DAB1: variants seen among roughly 807,000 people sequenced by gnomAD.
The protein encoded by DAB1 is DAB adaptor protein 1.
Under a neutral mutation model 64.6 loss-of-function variants are expected in DAB1, and 15 were observed. The observed-to-expected ratio is 0.23, with a 90% confidence interval of 0.16 to 0.36. The LOEUF (loss-of-function observed/expected upper bound fraction) is 0.36, where lower values mean the gene tolerates loss of function less well. Ranked by LOEUF, DAB1 falls within the 10% of genes least tolerant of loss-of-function variation. The pLI, the probability that DAB1 is intolerant of heterozygous loss-of-function variation, is 1.00. For missense variants in DAB1, 596 were observed against 706.7 expected (o/e 0.84, Z 1.78); for synonymous variants, 235 against 251.9 (o/e 0.93, Z 0.64).
intron 7 of DAB1, among the ~76,000 whole-genome samples, chr1:57,445,386 G>A (rs917539670): frequency 6.6e-6 from 1 of 152,094 alleles, no homozygotes; most frequent in Non-Finnish European, 1.5e-5. Context: ...GCAAGCTCAG[G>A]CTGAGGAAAT....
intron 4 of DAB1, among the ~76,000 whole-genome samples, chr1:58,289,396 A>G (rs1661763506): frequency 6.6e-6 from 1 of 152,194 alleles, no homozygotes; most frequent in African/African-American, 2.4e-5. Flanking sequence ...CAGACCAGGA[A>G]TGGAACCTCA....
At chr1:58,350,351 T>C (rs1459985236) in intron 3 of DAB1, among the ~76,000 whole-genome samples, 2 of 152,214 alleles carry the variant, frequency 1.3e-5, no homozygotes, top group Non-Finnish European at 2.9e-5. Context: ...AGATTCTGGA[T>C]ATTAGCCCTT....
At chr1:57,283,849 C>A (rs1672105345) in intron 2 of DAB1, among the ~76,000 whole-genome samples, 1 of 152,196 alleles carries the variant, frequency 6.6e-6, no homozygotes, top group African/African-American at 2.4e-5. Context: ...AGGGGAGTGA[C>A]CACTGACAAA....
chr1:57,866,552 G>A (rs148604896), intron 1 of DAB1, among the ~76,000 whole-genome samples: 12 of 152,150 alleles, frequency 7.9e-5, no homozygotes, highest in African/African-American at 2.7e-4. Context: ...TTCTAGAGCA[G>A]GACTGAGGGT....
intron 6 of DAB1, among the ~76,000 whole-genome samples, chr1:57,773,059 C>T (rs1289422151): frequency 6.6e-6 from 1 of 152,028 alleles, no homozygotes; most frequent in African/African-American, 2.4e-5. Flanking sequence ...AAGAAGCTAA[C>T]AGTCATGGAA....
intron 1 of DAB1, among the ~76,000 whole-genome samples, chr1:57,418,418 T>C (rs1231586674): frequency 6.6e-6 from 1 of 151,976 alleles, no homozygotes; most frequent in Non-Finnish European, 1.5e-5. Flanking sequence ...AAATCATGAG[T>C]CCATTCAAGA....
At chr1:57,147,895 A>G (rs1659299611) in intron 2 of DAB1, among the ~76,000 whole-genome samples, 1 of 152,164 alleles carries the variant, frequency 6.6e-6, no homozygotes, top group Non-Finnish European at 1.5e-5. Context: ...ACTGAGTAGA[A>G]CCTGAACTTA....
intron 6 of DAB1, among the ~76,000 whole-genome samples, chr1:57,746,908 G>A (rs114208413): frequency 0.012 from 1,811 of 151,672 alleles, 47 homozygotes; most frequent in African/African-American, 0.042. Flanking sequence ...ATGTTTCTCT[G>A]TGTATTCTAG....
intron 3 of DAB1, among the ~76,000 whole-genome samples, chr1:57,143,131 ACTG>A (rs994052058): frequency 6.6e-6 from 1 of 152,144 alleles, no homozygotes; most frequent in African/African-American, 2.4e-5. Context: ...TGAAAGACAG[ACTG>A]CATTCTCATC....
At chr1:57,859,176 A>G (rs1430382599) in intron 1 of DAB1, among the ~76,000 whole-genome samples, 1 of 152,072 alleles carries the variant, frequency 6.6e-6, no homozygotes, top group Non-Finnish European at 1.5e-5. Context: ...TTCCTAACCT[A>G]GACCCCAAAT....
At chr1:57,739,841 T>G (rs1342148064) in intron 6 of DAB1, among the ~76,000 whole-genome samples, 1 of 151,726 alleles carries the variant, frequency 6.6e-6, no homozygotes, top group Non-Finnish European at 1.5e-5. Context: ...AAATCATGGG[T>G]TTAAGAATCT....
At chr1:58,210,813 T>C (rs771561007) in intron 4 of DAB1, among the ~76,000 whole-genome samples, 18 of 152,184 alleles carry the variant, frequency 1.2e-4, no homozygotes, top group Non-Finnish European at 2.5e-4. Flanking sequence ...AAATGACTCA[T>C]GACCAAGTAC....
intron 7 of DAB1, among the ~76,000 whole-genome samples, chr1:57,430,545 T>A (rs1168488416): frequency 6.6e-6 from 1 of 152,000 alleles, no homozygotes; most frequent in Non-Finnish European, 1.5e-5. Context: ...CTGGCTAATT[T>A]TTTTTGTATT....
intron 5 of DAB1, among the ~76,000 whole-genome samples, chr1:58,073,307 T>C (rs1649390778): frequency 6.6e-6 from 1 of 152,188 alleles, no homozygotes; most frequent in Non-Finnish European, 1.5e-5. Flanking sequence ...ACTGATTAAA[T>C]TTCATTTTCT....
intron 4 of DAB1, among the ~76,000 whole-genome samples, chr1:58,186,094 A>C (rs1657062237): frequency 6.6e-6 from 1 of 152,242 alleles, no homozygotes; most frequent in Admixed American, 6.5e-5. Context: ...AACAGAAACT[A>C]TCATGAGGCA....
chr1:58,434,318 G>A (rs974381592), intron 3 of DAB1, among the ~76,000 whole-genome samples: 5 of 151,886 alleles, frequency 3.3e-5, no homozygotes, highest in Non-Finnish European at 5.9e-5. Flanking sequence ...ATGGTGAGAA[G>A]TAGTAGCTCT....
chr1:58,028,371 A>T (rs1646925097), intron 5 of DAB1, among the ~76,000 whole-genome samples: 1 of 152,230 alleles, frequency 6.6e-6, no homozygotes, highest in Admixed American at 6.5e-5. Context: ...CAGCAGCACT[A>T]TAACTCATGC....
chr1:57,418,408 A>G (rs940482714), intron 1 of DAB1, among the ~76,000 whole-genome samples: 5 of 152,364 alleles, frequency 3.3e-5, no homozygotes, highest in African/African-American at 4.8e-5. Flanking sequence ...CCAAGTAAAC[A>G]AATCATGAGT....
chr1:58,474,205 G>A (rs1645395778), intron 3 of DAB1, among the ~76,000 whole-genome samples: 1 of 152,140 alleles, frequency 6.6e-6, no homozygotes, highest in Admixed American at 6.5e-5. Flanking sequence ...CAGTAATAGA[G>A]CTCTTTACAT....
Sources: gnomAD v4.1 joint callset for allele counts (sites outside exome capture counted in the v4.1 genomes callset) on GRCh38, gnomAD v4.1.1 for gene constraint, MANE v1.5 for transcripts, NCBI Gene and HGNC (gene_info 2026-07-23, HGNC 2026-07-21) for gene names.